Variants in ANKS1A observed in about 807,000 individuals in gnomAD.
The protein encoded by ANKS1A is ankyrin repeat and SAM domain-containing protein 1A.
In ANKS1A, 55 loss-of-function variants were observed where a neutral mutation model predicts 120.3. That is an observed-to-expected ratio of 0.46 (90% CI 0.37 to 0.57). The LOEUF is 0.57. Ranked by LOEUF, ANKS1A falls within the 20% of genes least tolerant of loss-of-function variation. The pLI is 0.00. For synonymous variants in ANKS1A, 590 were observed against 604.7 expected (o/e 0.98, Z 0.36); for missense variants, 1,123 against 1,480.3 (o/e 0.76, Z 3.96).
intron 11 of ANKS1A, among the ~76,000 whole-genome samples, chr6:35,030,138 T>C (rs923242316): frequency 6.6e-6 from 1 of 152,194 alleles, no homozygotes; most frequent in African/African-American, 2.4e-5. Context: ...AGAATATAGG[T>C]GAGCTAAACC....
At position 35,044,580 on chromosome 6, in the gene ANKS1A, G is replaced by T. The variant is rs1233574471; in HGVS notation, c.2011-9519G>T. On this transcript the variant is annotated intron_variant, in intron 11 of 23. Coordinates refer to ENST00000360359, the MANE Select transcript of ANKS1A (RefSeq NM_015245.3). The surrounding 1 kb of genome is among the most constrained non-coding windows in gnomAD (Gnocchi z 4.4). ...CTCCGGTTTGCTTCGCGCCCCAAGAGCTGCCTTGTAGAAAGGCGTCACTCC... is the reference window on the plus strand; with the variant it reads ...CTCCGGTTTGCTTCGCGCCCCAAGATCTGCCTTGTAGAAAGGCGTCACTCC... Among the ~76,000 whole-genome samples the T allele has an allele frequency of 6.6e-6, 1 of 152,144 alleles. No individual in the cohort carries two copies. Among genetic ancestry groups the T allele is most frequent in the Non-Finnish European group, 1.5e-5 (1 of 68,022 alleles).
At position 35,089,264 on chromosome 6, in the gene ANKS1A, C is replaced by G. The variant is rs1410234264; in HGVS notation, c.*655C>G. 1 of 987,084 alleles carries G rather than the reference C, an allele frequency of 1.0e-6. No homozygotes were observed. The highest frequency in any genetic ancestry group is 1.1e-4 in the East Asian group (1 of 8,858). 61.1% of individuals were successfully genotyped at this position (987,084 alleles called of 1,614,324 possible). ...AGGCACCTGAGCAACTCAAAGGTTT[C>G]CGGTCCATTTCTGGGGTTCCCGATG... On this transcript the variant is annotated 3_prime_UTR_variant, in exon 24 of 24. Transcript: ENST00000360359.
intron 1 of ANKS1A, among the ~76,000 whole-genome samples, chr6:34,951,031 C>T (rs1270835765): frequency 6.6e-6 from 1 of 152,078 alleles, no homozygotes. Context: ...GGTATGTAGC[C>T]TTCCATATGT....
At chr6:34,954,825 G>A (rs1220060884) in intron 1 of ANKS1A, among the ~76,000 whole-genome samples, 1 of 152,142 alleles carries the variant, frequency 6.6e-6, no homozygotes, top group Non-Finnish European at 1.5e-5. Flanking sequence ...CCAGTTCTTA[G>A]TGCTTTCTTC....
intron 11 of ANKS1A, among the ~76,000 whole-genome samples, chr6:35,038,568 A>G (rs1775296894): frequency 6.6e-6 from 1 of 152,100 alleles, no homozygotes; most frequent in South Asian, 2.1e-4. Flanking sequence ...TATAGCCTCA[A>G]ACTCCTGGGC....
chr6:35,090,645 C>A lies in ANKS1A; in HGVS notation c.*2036C>A, dbSNP rs1778252213. ...TGACTGGGCCTTTCTTTCTTTTCTT[C>A]TCCTCTGGGATGGGTAGTCTCCCTT... is the stretch of plus-strand genomic sequence containing the variant. On this transcript the variant is annotated 3_prime_UTR_variant, in exon 24 of 24. Coordinates refer to ENST00000360359, the MANE Select transcript of ANKS1A (RefSeq NM_015245.3). 1.0e-6 allele frequency: 1 copy of A among 992,700 alleles called. No homozygotes were observed. The allele number at this position is 992,700 out of a possible 1,614,324, so 61.5% of individuals were successfully genotyped here. A position where few individuals can be genotyped will look rare whatever the true frequency, so the allele number is the denominator to read the frequency against.
chr6:35,015,113 G>T (rs1360832567), intron 10 of ANKS1A, among the ~76,000 whole-genome samples: 1 of 152,156 alleles, frequency 6.6e-6, no homozygotes, highest in Admixed American at 6.5e-5. Flanking sequence ...AGTTTTTCAG[G>T]GTTTGTTCAT....
intron 18 of ANKS1A, 113 bp from the exon 19 acceptor site, chr6:35,083,042 T>G (rs111966926): frequency 7.3e-7 from 1 of 1,362,296 alleles, no homozygotes; most frequent in East Asian, 2.4e-5. Flanking sequence ...GGAGAGGGGG[T>G]GTTGTTATTG....
intron 13 of ANKS1A, among the ~76,000 whole-genome samples, chr6:35,068,992 G>A (rs1012469196): frequency 3.3e-5 from 5 of 152,128 alleles, no homozygotes; most frequent in African/African-American, 9.7e-5. Context: ...GAGGGCTGAC[G>A]TCTGGCCATT....
chr6:34,960,100 G>A (rs905267281), intron 1 of ANKS1A, among the ~76,000 whole-genome samples: 3 of 152,072 alleles, frequency 2.0e-5, no homozygotes, highest in Non-Finnish European at 2.9e-5. Context: ...CCAGCCACAG[G>A]TCAGGCACGC....
intron 1 of ANKS1A, among the ~76,000 whole-genome samples, chr6:34,938,048 T>G (rs1351033524): frequency 2.0e-5 from 3 of 152,254 alleles, no homozygotes; most frequent in African/African-American, 7.2e-5. Context: ...TATTGACCTG[T>G]TCTTTTCTCC....
At chr6:34,952,081 G>A (rs1581739831) in intron 1 of ANKS1A, among the ~76,000 whole-genome samples, 1 of 152,172 alleles carries the variant, frequency 6.6e-6, no homozygotes, top group East Asian at 1.9e-4. Flanking sequence ...GCATGGTGGT[G>A]AAGATTTTGA....
At position 35,010,701 on chromosome 6, in the gene ANKS1A, G is replaced by C. The variant is rs561572669; in HGVS notation, c.1424-6772G>C. Among the ~76,000 whole-genome samples the C allele has an allele frequency of 1.6e-4, 24 of 152,172 alleles. No homozygotes were observed. The East Asian group carries it at 2.5e-3, about 16-fold the overall frequency. ...CTAGAAGGATGAAAACTAGAAAAAG[G>C]GTTAGGCAGTTAGAAGGCCATTGGT... is the stretch of plus-strand genomic sequence containing the variant. On this transcript the variant is annotated intron_variant, in intron 10 of 23. Coordinates refer to ENST00000360359, the MANE Select transcript of ANKS1A (RefSeq NM_015245.3).
At chr6:34,910,343 T>G (rs1331330155) in intron 1 of ANKS1A, among the ~76,000 whole-genome samples, 1 of 152,004 alleles carries the variant, frequency 6.6e-6, no homozygotes, top group African/African-American at 2.4e-5. Context: ...GGCGAGAGGA[T>G]TGCTCGAGCT....
chr6:34,985,029 C>T, intron 7 of ANKS1A, 53 bp from the exon 8 acceptor site: 2 of 1,556,214 alleles, frequency 1.3e-6, no homozygotes, highest in Non-Finnish European at 1.8e-6. Context: ...GTGGTTGGAA[C>T]CTGAGATTCT....
rs1774456844 is a variant in ANKS1A, at chr6:35,023,513, TAG to T, written c.2010+5457_2010+5458del. The T allele has an allele frequency of 9.3e-6, 3 of 321,880 alleles. 1 individual carries two copies. Among genetic ancestry groups the T allele is most frequent in the South Asian group, 8.7e-5 (3 of 34,514 alleles). The allele number at this position is 321,880 out of a possible 1,614,324, so 19.9% of individuals were successfully genotyped here. The stretch of plus-strand genomic sequence containing the variant: ...ACTGGAAGCACCAGAGCTGTGGCAG[TAG>T]AGTCATGGCGGGACCAGCATTTAGA... On this transcript the variant is annotated intron_variant, in intron 11 of 23. Coordinates refer to ENST00000360359, the MANE Select transcript of ANKS1A (RefSeq NM_015245.3).
chr6:35,031,484 G>A (rs1156609186), intron 11 of ANKS1A, among the ~76,000 whole-genome samples: 1 of 152,146 alleles, frequency 6.6e-6, no homozygotes, highest in Admixed American at 6.5e-5. Flanking sequence ...CCTGAGCCAG[G>A]CCTTGTAAAG....
intron 11 of ANKS1A, among the ~76,000 whole-genome samples, chr6:35,045,564 A>G (rs921929574): frequency 9.2e-5 from 14 of 152,220 alleles, no homozygotes; most frequent in Admixed American, 8.5e-4. Context: ...TCGATCCAGT[A>G]CATTCGAAAT....
rs1300986690 is a variant in ANKS1A at position 34,967,267 on chromosome 6, G to T, written c.226G>T (p.Val76Phe). The T allele has an allele frequency of 6.2e-7, 1 of 1,613,388 alleles. No homozygotes were observed. The highest frequency in any genetic ancestry group is 8.5e-7 in the Non-Finnish European group (1 of 1,179,908). The change falls in exon 2 of 24, where the codon GTT becomes TTT. Residue 76 changes from valine (V) to phenylalanine (F), a missense_variant. This residue lies in a region of ANKS1A where 146 missense variants were observed against 267.8 expected (regional missense o/e 0.55). Coordinates refer to ENST00000360359, the MANE Select transcript of ANKS1A (RefSeq NM_015245.3). Reference protein sequence around the residue: ...SMWRGPNVNCVDSTGYTPLHH... With the variant: ...SMWRGPNVNCFDSTGYTPLHH... ...GTGGAGAGGGCCAAATGTGAACTGT[G>T]TTGACAGCACTGGCTACACACCCCT...
Sources: allele counts gnomAD v4.1 joint callset (sites outside exome capture counted in the v4.1 genomes callset), GRCh38; gene constraint gnomAD v4.1.1; regional missense constraint gnomAD v4.1.1; non-coding constraint Gnocchi (gnomAD v3.1); transcripts MANE v1.5; gene names NCBI Gene and HGNC (gene_info 2026-07-23, HGNC 2026-07-21).